MYLIP: variants seen among roughly 807,000 people sequenced by gnomAD.
The protein encoded by MYLIP is myosin regulatory light chain interacting protein.
MYLIP carries 26 observed loss-of-function variants against 45.8 expected under a neutral mutation model. That is an observed-to-expected ratio of 0.57 (90% CI 0.42 to 0.79). The LOEUF (loss-of-function observed/expected upper bound fraction) is 0.79, where lower values mean the gene tolerates loss of function less well. Ranked by LOEUF, MYLIP falls within the 30% of genes least tolerant of loss-of-function variation. The pLI is 0.00. For synonymous variants in MYLIP, 213 were observed against 218.1 expected, an observed-to-expected ratio of 0.98 and a Z score of 0.21; for missense variants, 494 against 555.6, an observed-to-expected ratio of 0.89 and a Z score of 1.11.
intron 2 of MYLIP, among the ~76,000 whole-genome samples, chr6:16,141,384 C>T (rs117013782): frequency 0.015 from 2,216 of 152,166 alleles, 27 homozygotes; most frequent in East Asian, 0.042. Context: ...TTAATGTTAC[C>T]GAACTTGTGT....
rs1336809956 is a variant in MYLIP at position 16,143,625 on chromosome 6, A to G, written c.663-74A>G. On this transcript the variant is annotated intron_variant, in intron 4 of 6. Coordinates refer to ENST00000356840, the MANE Select transcript of MYLIP (RefSeq NM_013262.4). ...TCTGCTAGGTCATGAGCAAATGGGG[A>G]TCCCACAAAGGCACACACATGGTGA... 15 of 1,511,504 alleles carry G rather than the reference A, an allele frequency of 9.9e-6. 1 individual carries two copies. Among genetic ancestry groups the G allele is most frequent in the South Asian group, 4.9e-5 (4 of 81,116 alleles). 93.6% of individuals were successfully genotyped at this position (1,511,504 alleles called of 1,614,324 possible). A position where few individuals can be genotyped will look rare whatever the true frequency, so the allele number is the denominator to read the frequency against.
the MYLIP span, among the ~76,000 whole-genome samples, chr6:16,156,309 C>T: frequency 3.3e-5 from 5 of 152,292 alleles, no homozygotes; most frequent in African/African-American, 4.8e-5. Context: ...ACCAGGGACC[C>T]GACCTCTTCT....
At chr6:16,159,092 AC>A in the MYLIP span, among the ~76,000 whole-genome samples, 1 of 152,162 alleles carries the variant, frequency 6.6e-6, no homozygotes. Context: ...CATCCTCAAA[AC>A]AACTGGGTCC....
chr6:16,145,192 C>A lies in MYLIP; in HGVS notation c.1123C>A (p.Gln375Lys), dbSNP rs1412866135. ...CAGCTGCCAGCAGACCCGGGTGCTG[C>A]AGGAGAAGCTACGCAAGCTGAAGGA... ...GLSCQQTRVLQEKLRKLKEAM... is the reference protein window; with the variant it reads ...GLSCQQTRVLKEKLRKLKEAM... The change falls in exon 6 of 7, where the codon CAG (glutamine) becomes AAG (lysine). Residue 375 changes from glutamine (Q) to lysine (K), a missense_variant. By Grantham distance (53) the Gln-to-Lys change is moderately conservative (BLOSUM62 1). Transcript: ENST00000356840. 1.9e-6 allele frequency: 3 copies of A among 1,614,022 alleles called. No individual in the cohort carries two copies. The highest frequency in any genetic ancestry group is 1.3e-5 in the African/African-American group (1 of 74,930).
the MYLIP span, among the ~76,000 whole-genome samples, chr6:16,160,288 A>G: frequency 2.0e-5 from 3 of 152,216 alleles, no homozygotes; most frequent in African/African-American, 7.2e-5. Flanking sequence ...GGGTTATGGC[A>G]GACACTGTTG....
At chr6:16,153,948 A>G in the MYLIP span, among the ~76,000 whole-genome samples, 1 of 152,154 alleles carries the variant, frequency 6.6e-6, no homozygotes, top group East Asian at 1.9e-4. Flanking sequence ...GGAAAAGGAA[A>G]CTATTAAAGC....
chr6:16,156,731 G>A, the MYLIP span, among the ~76,000 whole-genome samples: 67 of 152,322 alleles, frequency 4.4e-4, no homozygotes, highest in Non-Finnish European at 8.2e-4. Context: ...CAAATGTCTA[G>A]GGAAAGCAGA....
downstream of MYLIP, among the ~76,000 whole-genome samples, chr6:16,150,247 G>T (rs567685064): frequency 8.5e-5 from 13 of 152,340 alleles, no homozygotes; most frequent in Admixed American, 1.3e-4. Context: ...GCTGCAAAGA[G>T]GCGGTCAGCT....
At chr6:16,145,361 C>T in intron 6 of MYLIP, 44 bp downstream of exon 6, 1 of 1,534,332 alleles carries the variant, frequency 6.5e-7, no homozygotes, top group Non-Finnish European at 8.8e-7. Context: ...CCTCACCTAT[C>T]CCTCCTCTTA....
chr6:16,133,646 A>G (rs895137915), intron 2 of MYLIP, among the ~76,000 whole-genome samples: 1 of 152,240 alleles, frequency 6.6e-6, no homozygotes, highest in African/African-American at 2.4e-5. Context: ...GTTTACTGCA[A>G]TTCTGACTGG....
chr6:16,162,954 C>G, the MYLIP span, among the ~76,000 whole-genome samples: 1 of 152,024 alleles, frequency 6.6e-6, no homozygotes, highest in Admixed American at 6.6e-5. Flanking sequence ...ACGCCCTCTG[C>G]TTTTCCGGCT....
Position 16,141,675 on chromosome 6 carries a change from T to A in MYLIP, c.329T>A (p.Leu110Ter). 6.2e-7 allele frequency: 1 copy of A among 1,614,072 alleles called. No homozygotes were observed. The highest frequency in any genetic ancestry group is 8.5e-7 in the Non-Finnish European group (1 of 1,179,936). ...IKEALLAGHLLCSPEQAVELS... is the reference protein window; with the variant it reads ...IKEALLAGHL ...GAGGCCCTCTTGGCAGGCCACCTCT[T>A]GTGTTCCCCAGAGCAGGCAGTGGAA... The change falls in exon 3 of 7, where the codon TTG becomes TAG. Residue 110 changes from leucine (L) to a stop codon, truncating the protein, a stop_gained. Transcript: ENST00000356840. LOFTEE classifies it high-confidence loss of function.
the MYLIP span, among the ~76,000 whole-genome samples, chr6:16,157,035 G>A: frequency 9.6e-4 from 146 of 152,278 alleles, 2 homozygotes; most frequent in African/African-American, 3.2e-3. Flanking sequence ...ACATCCACAT[G>A]ACTTTCCATC....
At chr6:16,149,822 G>A (rs996823274), downstream of MYLIP, among the ~76,000 whole-genome samples, 1 of 152,218 alleles carries the variant, frequency 6.6e-6, no homozygotes, top group Admixed American at 6.5e-5. Context: ...ATTACTGAGA[G>A]AGACAAGTCG....
Position 16,129,859 on chromosome 6 carries a change from G to C in MYLIP, c.87+450G>C, listed in dbSNP as rs190023818. On this transcript the variant is annotated intron_variant, in intron 1 of 6. Coordinates refer to ENST00000356840, the MANE Select transcript of MYLIP (RefSeq NM_013262.4). This position sits in a 1 kb window ranked among gnomAD's most constrained non-coding sequence, Gnocchi z 5.1. The stretch of plus-strand genomic sequence containing the variant: ...CAGGGGTTCTTGGCAGACAAGCCGG[G>C]CCCTTGTCTCACGCTGCTTCTCAGG... Among the ~76,000 whole-genome samples, 2 of 152,234 alleles carry C rather than the reference G, an allele frequency of 1.3e-5. No individual in the cohort carries two copies. The highest frequency in any genetic ancestry group is 1.3e-4 in the Admixed American group (2 of 15,290).
In MYLIP at chr6:16,129,799, G is replaced by A. The variant is rs1759420696; in HGVS notation, c.87+390G>A. Reference sequence around the variant, plus strand: ...CCTGGCAGTGCCACCCGCGTGCCAGGATGGGATGGAGTGGCTCGAAGCAGT... The same window carrying A: ...CCTGGCAGTGCCACCCGCGTGCCAGAATGGGATGGAGTGGCTCGAAGCAGT... On this transcript the variant is annotated intron_variant, in intron 1 of 6. Coordinates refer to ENST00000356840, the MANE Select transcript of MYLIP (RefSeq NM_013262.4). The surrounding 1 kb of genome is among the most constrained non-coding windows in gnomAD (Gnocchi z 5.1). Among the ~76,000 whole-genome samples, 1 of 152,244 alleles carries A rather than the reference G, an allele frequency of 6.6e-6. No homozygotes were observed. Among genetic ancestry groups the A allele is most frequent in the Non-Finnish European group, 1.5e-5 (1 of 68,040 alleles).
At chr6:16,133,290 T>C (rs545717521) in intron 2 of MYLIP, among the ~76,000 whole-genome samples, 16 of 152,388 alleles carry the variant, frequency 1.0e-4, no homozygotes, top group African/African-American at 3.6e-4. Context: ...TTTTGTGTCC[T>C]CTTTATATTA....
At chr6:16,133,877 G>A (rs936895939) in intron 2 of MYLIP, among the ~76,000 whole-genome samples, 11 of 152,098 alleles carry the variant, frequency 7.2e-5, no homozygotes, top group Admixed American at 4.6e-4. Context: ...CAAGAGCTCC[G>A]TGAGTCCCAG....
At chr6:16,143,937 G>T (rs1310321673) in intron 5 of MYLIP, 74 bp downstream of exon 5, 21 of 1,504,946 alleles carry the variant, frequency 1.4e-5, no homozygotes, top group Non-Finnish European at 1.8e-5. Context: ...GGTTTCTACG[G>T]TTCCTTGGAT....
Sources: allele counts gnomAD v4.1 joint callset (sites outside exome capture counted in the v4.1 genomes callset), GRCh38; gene constraint gnomAD v4.1.1; non-coding constraint Gnocchi (gnomAD v3.1); transcripts MANE v1.5; gene names NCBI Gene and HGNC (gene_info 2026-07-23, HGNC 2026-07-21).